The following FARP1 variants were observed in gnomAD, a reference collection of about 807,000 sequenced individuals.
FARP1 encodes FERM, ARH/RhoGEF and pleckstrin domain protein 1, also known as FERM, ARHGEF and pleckstrin domain-containing protein 1.
FARP1 carries 52 observed loss-of-function variants against 128.8 expected under a neutral mutation model. That is an observed-to-expected ratio of 0.40 (90% CI 0.32 to 0.51). FARP1 has a LOEUF of 0.51. FARP1 is among the 20% of genes least tolerant of loss of function. The pLI, the probability that FARP1 is intolerant of heterozygous loss-of-function variation, is 0.45. For missense variants in FARP1, 1,333 were observed against 1,367.9 expected, an observed-to-expected ratio of 0.97 and a Z score of 0.40; for synonymous variants, 580 against 551.8, an observed-to-expected ratio of 1.05 and a Z score of -0.72.
intron 1 of FARP1, among the ~76,000 whole-genome samples, chr13:98,201,940 C>T (rs1284912309): frequency 1.3e-5 from 2 of 152,194 alleles, no homozygotes; most frequent in Non-Finnish European, 2.9e-5. Context: ...AACAGTTCCT[C>T]CTCTGTTTGA....
At chr13:98,339,496 A>C (rs1189288103) in intron 2 of FARP1, among the ~76,000 whole-genome samples, 1 of 152,174 alleles carries the variant, frequency 6.6e-6, no homozygotes, top group Non-Finnish European at 1.5e-5. Context: ...ACAGAGCCAA[A>C]CATATCACCA....
At chr13:98,311,272 T>C (rs1886448390) in intron 2 of FARP1, among the ~76,000 whole-genome samples, 1 of 152,218 alleles carries the variant, frequency 6.6e-6, no homozygotes, top group Non-Finnish European at 1.5e-5. Context: ...TGATCAGTAC[T>C]ATGTCAAAGT....
chr13:98,442,995 A>G (rs1892591213), intron 24 of FARP1, among the ~76,000 whole-genome samples: 1 of 151,972 alleles, frequency 6.6e-6, no homozygotes, highest in African/African-American at 2.4e-5. Flanking sequence ...AGCCACCTGC[A>G]GCCCAGCTTT....
At chr13:98,404,941 A>AT (rs1444857380) in intron 13 of FARP1, 6 of 152,210 alleles carry the variant, frequency 3.9e-5, no homozygotes, top group African/African-American at 1.4e-4. Context: ...ATAGGAAAAA[A>AT]TAATACCTAT....
intron 1 of FARP1, among the ~76,000 whole-genome samples, chr13:98,186,792 G>C (rs1878904441): frequency 6.6e-6 from 1 of 151,888 alleles, no homozygotes; most frequent in Non-Finnish European, 1.5e-5. Context: ...AGGAGTTCAA[G>C]AGTAGCCTGG....
At chr13:98,433,167 C>G (rs1257228392) in intron 18 of FARP1, 1 of 152,258 alleles carries the variant, frequency 6.6e-6, no homozygotes, top group African/African-American at 2.4e-5. Context: ...CTACATCCCA[C>G]TGCGCCCCAT....
At chr13:98,214,148 T>TTCTCCGAGCCCCTGCCTGGCC (rs1185854009) in intron 2 of FARP1, among the ~76,000 whole-genome samples, 14 of 152,340 alleles carry the variant, frequency 9.2e-5, no homozygotes, top group Non-Finnish European at 1.5e-4. Context: ...TCTGCTGTTC[T>TTCTCCGAGCCCCTGCCTGGCC]TCTCCGAGCC....
intron 19 of FARP1, chr13:98,437,849 A>ATTAG: frequency 6.3e-7 from 1 of 1,596,572 alleles, no homozygotes; most frequent in Admixed American, 1.7e-5. Flanking sequence ...GGCCATTGTT[A>ATTAG]TTAGTAAAGG....
chr13:98,389,279 G>A (rs1274469423), intron 9 of FARP1, among the ~76,000 whole-genome samples: 1 of 152,172 alleles, frequency 6.6e-6, no homozygotes, highest in East Asian at 1.9e-4. Flanking sequence ...TGTAAGTTGG[G>A]TCCACCCAAA....
chr13:98,391,066 AC>A (rs1160666186), intron 11 of FARP1, among the ~76,000 whole-genome samples, 186 bp downstream of exon 11: 1 of 152,098 alleles, frequency 6.6e-6, no homozygotes, highest in Non-Finnish European at 1.5e-5. Flanking sequence ...CCAGGGGCAC[AC>A]CCTCGAGAGT....
Position 98,349,672 on chromosome 13 carries a change from GAAAAAAAAAAAAAA to G in FARP1, c.276+5823_276+5836del, listed in dbSNP as rs56376512. On this transcript the variant is annotated intron_variant, in intron 3 of 26. Transcript: ENST00000319562. Reference sequence around the variant, plus strand: ...GCGACAGAGCAAGACCCATCTCAGGGAAAAAAAAAAAAAAAAAAAAAAAAAAAAAAGACAATGCT... The same window carrying G: ...GCGACAGAGCAAGACCCATCTCAGGGAAAAAAAAAAAAAAAAGACAATGCT... Among the ~76,000 whole-genome samples the G allele has an allele frequency of 1.9e-3, 114 of 59,862 alleles. 2 individuals carry two copies. Among genetic ancestry groups the G allele is most frequent in the South Asian group, 0.016 (26 of 1,598 alleles). 39.3% of individuals were successfully genotyped at this position (59,862 alleles called of 152,430 possible).
Position 98,449,709 on chromosome 13 carries a change from C to G in FARP1, c.*1392C>G, listed in dbSNP as rs1893094156. 6.7e-6 allele frequency: 1 copy of G among 149,534 alleles called. No individual in the cohort carries two copies. The highest frequency in any genetic ancestry group is 1.5e-5 in the Non-Finnish European group (1 of 67,706). 9.3% of individuals were successfully genotyped at this position (149,534 alleles called of 1,614,324 possible). A position where few individuals can be genotyped will look rare whatever the true frequency, so the allele number is the denominator to read the frequency against. ...TGTACCAGACGGTTTCCAGTACTAA[C>G]AAAGGGAATAAAAATACCTCACGCC... On this transcript the variant is annotated 3_prime_UTR_variant, in exon 27 of 27. Transcript: ENST00000319562.
Position 98,342,655 on chromosome 13 carries a change from G to A in FARP1, c.172-1107G>A, listed in dbSNP as rs193078502. On this transcript the variant is annotated intron_variant, in intron 2 of 26. Transcript: ENST00000319562. ...GCGGAGATTGCAGTGAGCTGAGATC[G>A]CGCCATTGCACTCCAGCCTGAGTGA... 6.1e-4 allele frequency among the ~76,000 whole-genome samples: 91 copies of A among 149,878 alleles called. No individual in the cohort carries two copies. In the Middle Eastern group the frequency reaches 0.011, roughly 18 times the overall value.
chr13:98,185,007 C>T (rs1038152624), intron 1 of FARP1, among the ~76,000 whole-genome samples: 1 of 152,150 alleles, frequency 6.6e-6, no homozygotes, highest in Non-Finnish European at 1.5e-5. Context: ...ACCAACATGA[C>T]ATCATTGCAC....
At chr13:98,423,205 A>G (rs539646338) in intron 16 of FARP1, among the ~76,000 whole-genome samples, 2 of 152,116 alleles carry the variant, frequency 1.3e-5, no homozygotes, top group African/African-American at 2.4e-5. Flanking sequence ...TTCCCACTCA[A>G]CTGACTCAAA....
Position 98,453,299 on chromosome 13 carries a change from T to G in FARP1, c.*4982T>G, listed in dbSNP as rs1893288299. On this transcript the variant is annotated 3_prime_UTR_variant, in exon 27 of 27. Transcript: ENST00000319562. ...ATAGTAACCAAAATCTTAGTTTTCATAAGAAATTCCAAGTCATACAAAAAT... is the reference window on the plus strand; with the variant it reads ...ATAGTAACCAAAATCTTAGTTTTCAGAAGAAATTCCAAGTCATACAAAAAT... 1.5e-6 allele frequency: 2 copies of G among 1,362,280 alleles called. No homozygotes were observed. Among genetic ancestry groups the G allele is most frequent in the East Asian group, 4.7e-5 (2 of 42,260 alleles). 84.4% of individuals were successfully genotyped at this position (1,362,280 alleles called of 1,614,324 possible). A position where few individuals can be genotyped will look rare whatever the true frequency, so the allele number is the denominator to read the frequency against.
intron 3 of FARP1, among the ~76,000 whole-genome samples, chr13:98,360,688 C>CA (rs1269847981): frequency 1.3e-5 from 2 of 152,208 alleles, no homozygotes; most frequent in African/African-American, 4.8e-5. Flanking sequence ...AGTAGGCCTT[C>CA]AAACCCTGGC....
intron 16 of FARP1, among the ~76,000 whole-genome samples, chr13:98,422,533 A>G (rs1891631935): frequency 6.6e-6 from 1 of 152,086 alleles, no homozygotes; most frequent in Non-Finnish European, 1.5e-5. Flanking sequence ...TTGATTTTAG[A>G]GAAGCTTTAA....
chr13:98,411,089 G>A (rs1375136799), intron 15 of FARP1, among the ~76,000 whole-genome samples: 2 of 152,214 alleles, frequency 1.3e-5, no homozygotes, highest in Non-Finnish European at 2.9e-5. Flanking sequence ...TTTACCATCT[G>A]TGTGCACCAG....
Sources: allele counts gnomAD v4.1 joint callset (sites outside exome capture counted in the v4.1 genomes callset), GRCh38; gene constraint gnomAD v4.1.1; transcripts MANE v1.5; gene names NCBI Gene and HGNC (gene_info 2026-07-23, HGNC 2026-07-21).